Variants in PDGFRA observed in about 807,000 individuals in gnomAD.
PDGFRA encodes platelet derived growth factor receptor alpha, also known as platelet-derived growth factor receptor alpha.
A neutral mutation model predicts 121.5 loss-of-function variants in PDGFRA; 25 were observed. The ratio of observed to expected loss-of-function variants is 0.21; its 90% CI spans 0.15 to 0.29. PDGFRA has a LOEUF of 0.29. Ranked by LOEUF, PDGFRA falls within the 10% of genes least tolerant of loss-of-function variation. The pLI, the probability that PDGFRA is intolerant of heterozygous loss-of-function variation, is 1.00. For missense variants in PDGFRA, 1,008 were observed against 1,345.1 expected (o/e 0.75, Z 3.92); for synonymous variants, 463 against 494.8 (o/e 0.94, Z 0.85).
chr4:54,289,215 C>T, intron 21 of PDGFRA, 101 bp downstream of exon 21: 1 of 754,228 alleles, frequency 1.3e-6, no homozygotes, highest in Non-Finnish European at 2.4e-6. Flanking sequence ...TCAAAAGAGG[C>T]AAAAGACTGT....
chr4:54,243,557 T>A (rs949049698), intron 1 of PDGFRA: 1 of 152,184 alleles, frequency 6.6e-6, no homozygotes, highest in African/African-American at 2.4e-5. Context: ...GTGTAAACAT[T>A]GGCTAAAGTT....
chr4:54,264,111 C>A, intron 4 of PDGFRA, 184 bp downstream of exon 4: 1 of 614,248 alleles, frequency 1.6e-6, no homozygotes. Flanking sequence ...TTACTAAAGG[C>A]CAAAGCTTGA....
chr4:54,294,423 A>G (rs1724778197), intron 22 of PDGFRA, among the ~76,000 whole-genome samples: 1 of 152,190 alleles, frequency 6.6e-6, no homozygotes, highest in Admixed American at 6.5e-5. Flanking sequence ...GAAGTTTTCT[A>G]GGGCTACAAC....
Position 54,274,909 on chromosome 4 carries a change from T to C in PDGFRA, c.1722T>C (p.Tyr574=). ...GCCCAGATGGACATGAATATATTTA[T>C]GTGGACCCGATGCAGCTGCCTTATG... ...SISPDGHEYI[Y]VDPMQLPYDS... The change falls in exon 12 of 23, where the codon TAT becomes TAC. Residue 574 remains tyrosine (Y), a synonymous_variant. Coordinates refer to ENST00000257290, the MANE Select transcript of PDGFRA (RefSeq NM_006206.6). The C allele has an allele frequency of 6.2e-7, 1 of 1,614,128 alleles. No individual in the cohort carries two copies. The highest frequency in any genetic ancestry group is 1.1e-5 in the South Asian group (1 of 91,086).
chr4:54,255,609 C>T (rs1722320826), intron 1 of PDGFRA, among the ~76,000 whole-genome samples: 1 of 151,556 alleles, frequency 6.6e-6, no homozygotes, highest in African/African-American at 2.4e-5. Flanking sequence ...GGGTTCACGC[C>T]ATTCTCCTGC....
At chr4:54,240,903 A>G (rs780386102) in intron 1 of PDGFRA, among the ~76,000 whole-genome samples, 2 of 152,174 alleles carry the variant, frequency 1.3e-5, no homozygotes, top group African/African-American at 2.4e-5. Flanking sequence ...GATAAAAGCT[A>G]TTGGATCTTT....
intron 1 of PDGFRA, among the ~76,000 whole-genome samples, chr4:54,233,176 CGCGCAGGG>C (rs201329156): frequency 7.2e-5 from 11 of 152,024 alleles, no homozygotes; most frequent in African/African-American, 2.4e-4. Context: ...CAGAGCGCGG[CGCGCAGGG>C]GCGCAGGGGC....
intron 1 of PDGFRA, among the ~76,000 whole-genome samples, chr4:54,254,373 C>G (rs964157544): frequency 3.3e-5 from 5 of 152,192 alleles, no homozygotes; most frequent in African/African-American, 1.2e-4. Context: ...TGTTGATTCT[C>G]AGTATTTGCC....
chr4:54,248,419 A>G (rs1178019174), intron 1 of PDGFRA, among the ~76,000 whole-genome samples: 4 of 152,244 alleles, frequency 2.6e-5, no homozygotes, highest in Non-Finnish European at 5.9e-5. Context: ...CCGCATATCT[A>G]CAACTATCTG....
chr4:54,284,236 T>C (rs1577739581), intron 16 of PDGFRA, among the ~76,000 whole-genome samples: 1 of 152,192 alleles, frequency 6.6e-6, no homozygotes, highest in Non-Finnish European at 1.5e-5. Context: ...TTAACCAGTC[T>C]CTAAGAAGTT....
chr4:54,248,805 T>C (rs188682933), intron 1 of PDGFRA, among the ~76,000 whole-genome samples: 3 of 152,246 alleles, frequency 2.0e-5, no homozygotes, highest in African/African-American at 7.2e-5. Flanking sequence ...AGAAAATTTT[T>C]GCAACCTACT....
chr4:54,250,798 C>G (rs1722015082), intron 1 of PDGFRA, among the ~76,000 whole-genome samples: 1 of 152,148 alleles, frequency 6.6e-6, no homozygotes, highest in African/African-American at 2.4e-5. Flanking sequence ...GGCATGATGG[C>G]TCACAACTGT....
chr4:54,241,466 C>T (rs767420238), intron 1 of PDGFRA, among the ~76,000 whole-genome samples: 42 of 151,844 alleles, frequency 2.8e-4, no homozygotes, highest in Admixed American at 1.2e-3. Flanking sequence ...AAAGTTTATA[C>T]AAGAGAATTT....
chr4:54,257,685 C>T (rs1184078878), intron 1 of PDGFRA, among the ~76,000 whole-genome samples: 2 of 152,162 alleles, frequency 1.3e-5, no homozygotes, highest in African/African-American at 4.8e-5. Context: ...TCACTGACTT[C>T]ACCAGTGACC....
chr4:54,293,747 G>C (rs1006383005), intron 22 of PDGFRA, among the ~76,000 whole-genome samples: 6 of 152,158 alleles, frequency 3.9e-5, no homozygotes, highest in African/African-American at 7.2e-5. Flanking sequence ...CTTTAACTCA[G>C]CACCAAGGTG....
chr4:54,244,794 A>G (rs974283990), intron 1 of PDGFRA, among the ~76,000 whole-genome samples: 3 of 152,204 alleles, frequency 2.0e-5, no homozygotes, highest in African/African-American at 7.2e-5. Flanking sequence ...AATTCAAACC[A>G]AAGGCAAAGA....
chr4:54,241,592 C>A (rs942432659), intron 1 of PDGFRA, among the ~76,000 whole-genome samples: 21 of 151,202 alleles, frequency 1.4e-4, no homozygotes, highest in Middle Eastern at 3.2e-3. Context: ...TCTTGTTGCC[C>A]AGGCTGGAGT....
chr4:54,277,395 C>T lies in PDGFRA; in HGVS notation c.1794C>T (p.Val598=), dbSNP rs1218651787. 7.4e-6 allele frequency: 12 copies of T among 1,613,428 alleles called. No homozygotes were observed. The highest frequency in any genetic ancestry group is 9.3e-6 in the Non-Finnish European group (11 of 1,179,460). Residue 598 remains valine (V), a synonymous_variant, in exon 13 of 23, where the codon GTC becomes GTT. Transcript: ENST00000257290. Reference sequence around the variant, plus strand: ...GATTCTGCCTGCCCACAGGTCGGGTCTTGGGGTCTGGAGCGTTTGGGAAGG... The same window carrying T: ...GATTCTGCCTGCCCACAGGTCGGGTTTTGGGGTCTGGAGCGTTTGGGAAGG... The part of the protein sequence containing the change: ...FPRDGLVLGR[V]LGSGAFGKVV...
intron 1 of PDGFRA, among the ~76,000 whole-genome samples, chr4:54,253,266 C>T (rs1336023857): frequency 5.3e-5 from 8 of 152,204 alleles, no homozygotes; most frequent in Non-Finnish European, 4.4e-5. Context: ...AAAACCAAAG[C>T]ACTTTCCATT....
Sources: allele counts gnomAD v4.1 joint callset (sites outside exome capture counted in the v4.1 genomes callset), GRCh38; gene constraint gnomAD v4.1.1; transcripts MANE v1.5; gene names NCBI Gene and HGNC (gene_info 2026-07-23, HGNC 2026-07-21).